The following TCF7L2 variants were observed in gnomAD, a reference collection of about 807,000 sequenced individuals.
TCF7L2 encodes transcription factor 7 like 2.
TCF7L2 carries 23 observed loss-of-function variants against 77.9 expected under a neutral mutation model. The ratio of observed to expected loss-of-function variants is 0.30; its 90% confidence interval spans 0.21 to 0.42. The LOEUF (loss-of-function observed/expected upper bound fraction) is 0.42. Ranked by LOEUF, TCF7L2 falls within the 10% of genes least tolerant of loss-of-function variation. The pLI is 1.00. For synonymous variants in TCF7L2, 413 were observed against 340.2 expected (o/e 1.21, Z -2.36); for missense variants, 654 against 793.1 (o/e 0.82, Z 2.11).
At chr10:112,984,301 T>C (rs552124420) in intron 4 of TCF7L2, among the ~76,000 whole-genome samples, 2 of 152,246 alleles carry the variant, frequency 1.3e-5, no homozygotes, top group South Asian at 2.1e-4. Flanking sequence ...CAGAAAGCTA[T>C]GTTTTTGTTT....
intron 4 of TCF7L2, among the ~76,000 whole-genome samples, chr10:113,011,608 C>T (rs988970204): frequency 8.6e-5 from 13 of 151,852 alleles, no homozygotes; most frequent in African/African-American, 2.7e-4. Context: ...GTATTACTGT[C>T]GAATTTTACT....
chr10:113,044,130 T>C (rs2052997436), intron 5 of TCF7L2, among the ~76,000 whole-genome samples: 1 of 152,196 alleles, frequency 6.6e-6, no homozygotes, highest in East Asian at 1.9e-4. Flanking sequence ...GTAATGAGCA[T>C]GGAGGTGTGG....
intron 5 of TCF7L2, among the ~76,000 whole-genome samples, chr10:113,097,660 A>ACAAAAAAAAAAAAC (rs2061173929): frequency 7.0e-6 from 1 of 143,362 alleles, no homozygotes. Context: ...AAAAAAAAAA[A>ACAAAAAAAAAAAAC]AAAAAAAAAA....
At chr10:113,141,084 T>C in intron 5 of TCF7L2, 100 bp from the exon 6 acceptor site, 2 of 1,478,346 alleles carry the variant, frequency 1.4e-6, no homozygotes, top group Non-Finnish European at 1.8e-6. Context: ...AAAATCCAGG[T>C]GAGAGGCTGT....
intron 5 of TCF7L2, among the ~76,000 whole-genome samples, chr10:113,058,838 C>T (rs1031903238): frequency 3.9e-5 from 6 of 152,136 alleles, no homozygotes; most frequent in Admixed American, 6.6e-5. Context: ...TTTTATTCCT[C>T]GGTAAATCCT....
chr10:113,120,067 C>G (rs1389423004), intron 5 of TCF7L2, among the ~76,000 whole-genome samples: 1 of 152,216 alleles, frequency 6.6e-6, no homozygotes. Flanking sequence ...TAAGCTGTTG[C>G]CGCGGGCTGA....
rs184920151 is a variant in TCF7L2 at position 112,964,484 on chromosome 10, A to C, written c.382-72A>C. On this transcript the variant is annotated intron_variant, in intron 3 of 13. Transcript: ENST00000627217. ...ATCTAGGAAGGTTTGTCTGCTATTC[A>C]TAAACTGCTTAAGATGTTTTCTTGT... 1.6e-3 allele frequency: 2,384 copies of C among 1,459,822 alleles called. 5 individuals carry two copies. Among genetic ancestry groups the C allele is most frequent in the Non-Finnish European group, 2.0e-3 (2,089 of 1,042,484 alleles). 90.4% of individuals were successfully genotyped at this position (1,459,822 alleles called of 1,614,324 possible). A position where few individuals can be genotyped will look rare whatever the true frequency, so the allele number is the denominator to read the frequency against.
intron 4 of TCF7L2, among the ~76,000 whole-genome samples, chr10:113,031,906 A>G (rs906205746): frequency 6.6e-6 from 1 of 152,188 alleles, no homozygotes; most frequent in Admixed American, 6.5e-5. Flanking sequence ...GACACAGAGC[A>G]TCTGTTTAAT....
chr10:112,987,212 G>C (rs985569451), intron 4 of TCF7L2, among the ~76,000 whole-genome samples: 26 of 152,194 alleles, frequency 1.7e-4, no homozygotes, highest in Non-Finnish European at 3.4e-4. Context: ...CTTGACTGTA[G>C]AGTTAGACCT....
chr10:112,961,571 C>T (rs561434989), intron 3 of TCF7L2, among the ~76,000 whole-genome samples: 2 of 152,072 alleles, frequency 1.3e-5, no homozygotes, highest in South Asian at 2.1e-4. Flanking sequence ...AAGGAAAAAG[C>T]AGTGAAAGTA....
chr10:113,132,436 G>T (rs1004418648), intron 5 of TCF7L2, among the ~76,000 whole-genome samples: 1 of 152,150 alleles, frequency 6.6e-6, no homozygotes, highest in Non-Finnish European at 1.5e-5. Context: ...TAATTCCCCA[G>T]GATGTAATAA....
At position 113,166,243 on chromosome 10, in the gene TCF7L2, A is replaced by AAT. The variant is rs369882395; in HGVS notation, c.*283_*284dup. 437 of 313,248 alleles carry AAT rather than the reference A, an allele frequency of 1.4e-3. 4 individuals are homozygous for AAT. Among genetic ancestry groups the AAT allele is most frequent in the African/African-American group, 6.4e-3 (304 of 47,268 alleles). 19.4% of individuals were successfully genotyped at this position (313,248 alleles called of 1,614,324 possible). ...TTTAAAGTCTTTGTAGCGTTTAAAA[A>AAT]ATATATATATATACATAACTGTTAT... On this transcript the variant is annotated 3_prime_UTR_variant, in exon 14 of 14. Transcript: ENST00000627217.
chr10:113,150,909 T>G (rs775932241), intron 8 of TCF7L2, 89 bp from the exon 9 acceptor site: 22 of 1,214,436 alleles, frequency 1.8e-5, no homozygotes, highest in East Asian at 8.6e-5. Flanking sequence ...TTACGTGCTG[T>G]TTTTTTTTTT....
rs1354878446 is a variant in TCF7L2 at position 112,964,299 on chromosome 10, C to T, written c.382-257C>T. Among the ~76,000 whole-genome samples, 9 of 152,174 alleles carry T rather than the reference C, an allele frequency of 5.9e-5. No individual in the cohort carries two copies. The East Asian group carries it at 1.5e-3, about 26-fold the overall frequency. On this transcript the variant is annotated intron_variant, in intron 3 of 13. Transcript: ENST00000627217. ...CCTTTTCATGTCATTGATTCTCACT[C>T]GTGGCCCCCATCTTCCCTGTATGCT...
intron 5 of TCF7L2, among the ~76,000 whole-genome samples, chr10:113,102,426 TG>T (rs1390174284): frequency 2.0e-5 from 3 of 150,400 alleles, no homozygotes; most frequent in African/African-American, 7.4e-5. Flanking sequence ...GTTGTTTGTT[TG>T]TTTTTTTTTT....
chr10:113,149,148 C>T (rs538324722), intron 8 of TCF7L2, among the ~76,000 whole-genome samples: 1 of 152,354 alleles, frequency 6.6e-6, no homozygotes, highest in East Asian at 1.9e-4. Flanking sequence ...ATGTTCTTAA[C>T]TTCTGTTTCC....
intron 5 of TCF7L2, among the ~76,000 whole-genome samples, chr10:113,041,181 T>G (rs908002218): frequency 3.5e-4 from 53 of 152,362 alleles, no homozygotes; most frequent in Non-Finnish European, 6.8e-4. Flanking sequence ...ATGTGTGTGT[T>G]TATATCACAA....
At chr10:112,991,619 T>C (rs2042566490) in intron 4 of TCF7L2, among the ~76,000 whole-genome samples, 1 of 152,154 alleles carries the variant, frequency 6.6e-6, no homozygotes, top group African/African-American at 2.4e-5. Context: ...CAGAGGCTGC[T>C]ACAGGGACAG....
intron 4 of TCF7L2, among the ~76,000 whole-genome samples, chr10:112,996,935 A>G (rs116540079): frequency 0.012 from 1,786 of 152,222 alleles, 34 homozygotes; most frequent in African/African-American, 0.041. Flanking sequence ...GAGAGAGAGG[A>G]AAGGAGAGGT....
Sources: allele counts gnomAD v4.1 joint callset (sites outside exome capture counted in the v4.1 genomes callset), GRCh38; gene constraint gnomAD v4.1.1; transcripts MANE v1.5; gene names NCBI Gene and HGNC (gene_info 2026-07-23, HGNC 2026-07-21).